ANLN: variants seen among roughly 807,000 people sequenced by gnomAD.
ANLN encodes anillin, actin binding protein, also known as anillin.
ANLN carries 59 observed loss-of-function variants against 135.1 expected under a neutral mutation model. The observed-to-expected ratio is 0.44, with a 90% CI of 0.35 to 0.54. ANLN has a LOEUF of 0.54. Among genes scored for constraint, ANLN ranks in the 20% least tolerant of loss-of-function variants. ANLN has a pLI of 0.00. For synonymous variants in ANLN, 406 were observed against 456.4 expected, an observed-to-expected ratio of 0.89 and a Z score of 1.41; for missense variants, 1,182 against 1,340.0, an observed-to-expected ratio of 0.88 and a Z score of 1.84.
intron 7 of ANLN, among the ~76,000 whole-genome samples, chr7:36,412,547 C>G (rs1019020569): frequency 4.6e-5 from 7 of 151,868 alleles, no homozygotes; most frequent in Admixed American, 4.6e-4. Context: ...AGGCTGGTCT[C>G]GAACTCGTGA....
intron 12 of ANLN, among the ~76,000 whole-genome samples, chr7:36,421,399 A>G (rs536882808): frequency 2.0e-5 from 3 of 152,128 alleles, no homozygotes; most frequent in East Asian, 3.9e-4. Context: ...ATAAAAAAAA[A>G]TAGAGATGGA....
intron 23 of ANLN, among the ~76,000 whole-genome samples, chr7:36,451,772 A>C (rs1012222923): frequency 6.6e-6 from 1 of 152,180 alleles, no homozygotes; most frequent in Non-Finnish European, 1.5e-5. Context: ...TAAAAACCTA[A>C]TGGCTGGCTG....
intron 7 of ANLN, among the ~76,000 whole-genome samples, chr7:36,412,925 A>G (rs1787482871): frequency 6.6e-6 from 1 of 151,970 alleles, no homozygotes; most frequent in Non-Finnish European, 1.5e-5. Flanking sequence ...TCAAACTTTA[A>G]TCCCCTCTAG....
At chr7:36,410,756 C>A in intron 6 of ANLN, 52 bp downstream of exon 6, 1 of 1,526,060 alleles carries the variant, frequency 6.6e-7, no homozygotes. Flanking sequence ...TGCATAGAAC[C>A]TAGAAATCAA....
At chr7:36,397,438 T>C (rs1055691390) in intron 2 of ANLN, among the ~76,000 whole-genome samples, 1 of 152,202 alleles carries the variant, frequency 6.6e-6, no homozygotes, top group African/African-American at 2.4e-5. Flanking sequence ...TTTCGATGTT[T>C]AGGTAGAAGT....
chr7:36,392,508 C>T (rs1583585459), intron 1 of ANLN, among the ~76,000 whole-genome samples: 1 of 80,312 alleles, frequency 1.2e-5, no homozygotes, highest in Non-Finnish European at 2.5e-5. Context: ...TATGTTATTG[C>T]AGTGGTTTTT....
chr7:36,389,893 C>T lies in ANLN; in HGVS notation c.-134C>T, dbSNP rs373265740. 2.7e-5 allele frequency: 41 copies of T among 1,519,460 alleles called. No individual in the cohort carries two copies. The African/African-American group carries it at 4.6e-4, about 17-fold the overall frequency. 94.1% of individuals were successfully genotyped at this position (1,519,460 alleles called of 1,614,324 possible). A position where few individuals can be genotyped will look rare whatever the true frequency, so the allele number is the denominator to read the frequency against. On this transcript the variant is annotated 5_prime_UTR_variant, in exon 1 of 24. Coordinates refer to ENST00000265748, the MANE Select transcript of ANLN (RefSeq NM_018685.5). ...GTCACTGGAAGCCGAGAGGAGAGGA[C>T]AGCTGGTTGTGGGAGAGTTCCCCCG... is the stretch of plus-strand genomic sequence containing the variant.
chr7:36,418,754 CT>C lies in ANLN; in HGVS notation c.1634-478del, dbSNP rs71553066. 5.6e-4 allele frequency among the ~76,000 whole-genome samples: 81 copies of C among 143,704 alleles called. 1 individual carries two copies. The highest frequency in any genetic ancestry group is 3.5e-3 in the Middle Eastern group (1 of 282). The allele number at this position is 143,704 out of a possible 152,430, so 94.3% of individuals were successfully genotyped here. A position where few individuals can be genotyped will look rare whatever the true frequency, so the allele number is the denominator to read the frequency against. ...TCATTTCTTTTTCTTTTTCTTTTTT[CT>C]TTTTTTTTTTTGTCTCAGACAGAGT... On this transcript the variant is annotated intron_variant, in intron 9 of 23. Coordinates refer to ENST00000265748, the MANE Select transcript of ANLN (RefSeq NM_018685.5).
rs1186662720 is a variant in ANLN, at chr7:36,431,561, TTGTGTGTGTGTG to T, written c.2883+4559_2883+4570del. Among the ~76,000 whole-genome samples, 323 of 76,026 alleles carry T rather than the reference TTGTGTGTGTGTG, an allele frequency of 4.2e-3. 6 individuals carry two copies. Among genetic ancestry groups the T allele is most frequent in the Admixed American group, 0.033 (177 of 5,380 alleles). The allele number at this position is 76,026 out of a possible 152,430, so 49.9% of individuals were successfully genotyped here. A position where few individuals can be genotyped will look rare whatever the true frequency, so the allele number is the denominator to read the frequency against. On this transcript the variant is annotated intron_variant, in intron 20 of 23. Coordinates refer to ENST00000265748, the MANE Select transcript of ANLN (RefSeq NM_018685.5). ...TATATGTGTGTATATATGTGTGTGTTTGTGTGTGTGTGTGTGTGTGTGTGTGTGTGTGTGTGT... is the reference window on the plus strand; with the variant it reads ...TATATGTGTGTATATATGTGTGTGTTTGTGTGTGTGTGTGTGTGTGTGTGT...
At chr7:36,436,292 G>C (rs1583648393) in intron 20 of ANLN, among the ~76,000 whole-genome samples, 1 of 152,116 alleles carries the variant, frequency 6.6e-6, no homozygotes, top group East Asian at 1.9e-4. Flanking sequence ...GCATGTATTA[G>C]AACTTCATTT....
chr7:36,410,743 C>T (rs779317669), intron 6 of ANLN, 39 bp downstream of exon 6: 1 of 1,574,366 alleles, frequency 6.4e-7, no homozygotes, highest in South Asian at 1.2e-5. Context: ...ATCACATGGT[C>T]TCTGCATAGA....
At chr7:36,432,266 A>G (rs1278384416) in intron 20 of ANLN, among the ~76,000 whole-genome samples, 1 of 152,144 alleles carries the variant, frequency 6.6e-6, no homozygotes, top group African/African-American at 2.4e-5. Context: ...GTTCAGGCAG[A>G]TATCCTTTTT....
intron 20 of ANLN, among the ~76,000 whole-genome samples, chr7:36,434,092 A>G (rs1788431478): frequency 6.6e-6 from 1 of 152,122 alleles, no homozygotes; most frequent in South Asian, 2.1e-4. Flanking sequence ...TGTAGGCCAG[A>G]TATTATATTA....
rs1469439575 is a variant in ANLN at position 36,422,001 on chromosome 7, G to C, written c.2299+9G>C. 1.9e-6 allele frequency: 3 copies of C among 1,608,972 alleles called. No individual in the cohort carries two copies. Among genetic ancestry groups the C allele is most frequent in the Non-Finnish European group, 2.5e-6 (3 of 1,178,502 alleles). On this transcript the variant is annotated intron_variant, in intron 13 of 23. Transcript: ENST00000265748. ...ACTTCTTCTAATTGCAAGTAAGTGTGATGCACCTGAAAGAGTTCCAACAAA... is the reference window on the plus strand; with the variant it reads ...ACTTCTTCTAATTGCAAGTAAGTGTCATGCACCTGAAAGAGTTCCAACAAA...
intron 22 of ANLN, among the ~76,000 whole-genome samples, chr7:36,446,138 A>T (rs553067674): frequency 1.3e-5 from 2 of 152,082 alleles, no homozygotes; most frequent in Non-Finnish European, 2.9e-5. Context: ...GTGTCTTTTC[A>T]TGCACAGACT....
At chr7:36,444,703 A>T (rs935048492) in intron 22 of ANLN, among the ~76,000 whole-genome samples, 1 of 152,100 alleles carries the variant, frequency 6.6e-6, no homozygotes, top group African/African-American at 2.4e-5. Flanking sequence ...CATAATAGAC[A>T]TAGCTATTGT....
In ANLN at chr7:36,407,452, CT is replaced by C. The variant is rs779053123; in HGVS notation, c.874-273del. ...TACTAGTGCAATAATATGAATAAAA[CT>C]TTTTTTTTAAATAAAGAGTGATCAT... On this transcript the variant is annotated intron_variant, in intron 4 of 23. Coordinates refer to ENST00000265748, the MANE Select transcript of ANLN (RefSeq NM_018685.5). 6.7e-4 allele frequency among the ~76,000 whole-genome samples: 102 copies of C among 151,254 alleles called. No individual in the cohort carries two copies. The East Asian group carries it at 9.0e-3, about 13-fold the overall frequency.
chr7:36,416,201 A>G (rs1312456533), intron 8 of ANLN, among the ~76,000 whole-genome samples: 1 of 151,904 alleles, frequency 6.6e-6, no homozygotes, highest in Non-Finnish European at 1.5e-5. Flanking sequence ...TTGTATTTTT[A>G]GTAGAGATGG....
At chr7:36,434,635 G>A (rs186950122) in intron 20 of ANLN, among the ~76,000 whole-genome samples, 106 of 152,220 alleles carry the variant, frequency 7.0e-4, no homozygotes, top group African/African-American at 2.5e-3. Context: ...AGGCCGAGGC[G>A]GCTGGATCAC....
Sources: gnomAD v4.1 joint callset for allele counts (sites outside exome capture counted in the v4.1 genomes callset) on GRCh38, gnomAD v4.1.1 for gene constraint, MANE v1.5 for transcripts, NCBI Gene and HGNC (gene_info 2026-07-23, HGNC 2026-07-21) for gene names.